The following MGLL variants were observed in gnomAD, a reference collection of about 807,000 sequenced individuals.
MGLL encodes lysophospholipase homolog.
MGLL carries 7 observed loss-of-function variants against 29.1 expected under a neutral mutation model. The ratio of observed to expected loss-of-function variants is 0.24; its 90% CI spans 0.14 to 0.45. The LOEUF (loss-of-function observed/expected upper bound fraction) is 0.45. Ranked by LOEUF, MGLL falls within the 20% of genes least tolerant of loss-of-function variation. The probability of loss-of-function intolerance (pLI) is 0.99; values close to 1 mark genes in which losing one functional copy is unlikely to be tolerated. For synonymous variants in MGLL, 148 were observed against 168.3 expected (o/e 0.88, Z 0.93); for missense variants, 356 against 413.6 (o/e 0.86, Z 1.21).
chr3:127,749,818 T>A (rs782080), intron 3 of MGLL, among the ~76,000 whole-genome samples: 73,822 of 152,028 alleles, frequency 0.49, 19,460 homozygotes, highest in Admixed American at 0.59. Context: ...TTTACTGTTT[T>A]AGAGGAGGCC....
At chr3:127,707,304 G>A (rs1366990971) in intron 6 of MGLL, among the ~76,000 whole-genome samples, 1 of 152,236 alleles carries the variant, frequency 6.6e-6, no homozygotes, top group Non-Finnish European at 1.5e-5. Context: ...GCCTGAGTAT[G>A]TGGATGGCTG....
At position 127,721,214 on chromosome 3, in the gene MGLL, AC is replaced by A. The variant is rs761395848; in HGVS notation, c.400-52del. On this transcript the variant is annotated intron_variant, in intron 4 of 7. Transcript: ENST00000265052. ...CTGTGTTCGGCTTGCACCAGTGCAC[AC>A]ATTTCTAATAAACATGACCAATGCA... 8.1e-5 allele frequency: 121 copies of A among 1,496,658 alleles called. 1 individual carries two copies. The East Asian group carries it at 2.7e-3, about 33-fold the overall frequency. The allele number at this position is 1,496,658 out of a possible 1,614,324, so 92.7% of individuals were successfully genotyped here. A position where few individuals can be genotyped will look rare whatever the true frequency, so the allele number is the denominator to read the frequency against.
intron 3 of MGLL, among the ~76,000 whole-genome samples, chr3:127,751,052 T>A (rs605188): frequency 2.0e-5 from 3 of 151,960 alleles, no homozygotes; most frequent in Non-Finnish European, 2.9e-5. Context: ...TGTTTCTGGG[T>A]GTCTGGATTA....
At chr3:127,705,731 G>C (rs1445141895) in intron 6 of MGLL, among the ~76,000 whole-genome samples, 3 of 149,572 alleles carry the variant, frequency 2.0e-5, no homozygotes, top group African/African-American at 7.4e-5. Context: ...AGCCAAGATC[G>C]CGCCACTGCA....
chr3:127,767,387 C>A (rs73862332), intron 3 of MGLL, among the ~76,000 whole-genome samples: 1,703 of 152,192 alleles, frequency 0.011, 33 homozygotes, highest in African/African-American at 0.039. Context: ...AATAATTAAC[C>A]AATTGTTTAT....
intron 3 of MGLL, among the ~76,000 whole-genome samples, chr3:127,758,539 G>A (rs759155895): frequency 2.0e-5 from 3 of 152,208 alleles, no homozygotes; most frequent in Non-Finnish European, 4.4e-5. Flanking sequence ...AGAAGCCCAG[G>A]TCAGCTTGGC....
chr3:127,782,942 A>T (rs900025377), intron 2 of MGLL, among the ~76,000 whole-genome samples: 2 of 152,092 alleles, frequency 1.3e-5, no homozygotes, highest in African/African-American at 4.8e-5. Context: ...TAATCCCAGC[A>T]CTTTCGGAGG....
intron 3 of MGLL, among the ~76,000 whole-genome samples, chr3:127,753,765 A>G (rs978919933): frequency 6.6e-6 from 1 of 152,242 alleles, no homozygotes; most frequent in African/African-American, 2.4e-5. Context: ...TTCCTTCTGC[A>G]TTTGGGCTCA....
intron 5 of MGLL, among the ~76,000 whole-genome samples, chr3:127,717,309 G>A (rs547215582): frequency 7.2e-4 from 110 of 152,316 alleles, no homozygotes; most frequent in African/African-American, 2.5e-3. Flanking sequence ...GATGGGAGTG[G>A]GCTCCATTAA....
chr3:127,727,223 C>G (rs1328584075), intron 3 of MGLL, among the ~76,000 whole-genome samples: 2 of 152,212 alleles, frequency 1.3e-5, no homozygotes, highest in African/African-American at 4.8e-5. Flanking sequence ...TTAACCATTT[C>G]TCCAGGGAGC....
chr3:127,778,487 G>C (rs1235587231), intron 3 of MGLL, among the ~76,000 whole-genome samples: 3 of 152,210 alleles, frequency 2.0e-5, no homozygotes, highest in African/African-American at 7.2e-5. Flanking sequence ...AGATCACACG[G>C]CTTGGACTCC....
At chr3:127,711,125 G>A (rs969692790) in intron 5 of MGLL, 20 of 206,004 alleles carry the variant, frequency 9.7e-5, no homozygotes, top group East Asian at 4.1e-4. Flanking sequence ...GAAAGTGTGC[G>A]TCCATTTCTC....
chr3:127,754,433 C>T (rs2076620303), intron 3 of MGLL, among the ~76,000 whole-genome samples: 1 of 151,804 alleles, frequency 6.6e-6, no homozygotes, highest in South Asian at 2.1e-4. Flanking sequence ...AGGGAAGGGC[C>T]TCCCCTTCTG....
intron 6 of MGLL, among the ~76,000 whole-genome samples, chr3:127,701,723 C>T (rs2075492630): frequency 6.6e-6 from 1 of 152,168 alleles, no homozygotes; most frequent in South Asian, 2.1e-4. Context: ...TGCAGGCAGC[C>T]TTCCCCGGTC....
intron 6 of MGLL, among the ~76,000 whole-genome samples, chr3:127,695,423 T>C (rs1483313979): frequency 6.6e-6 from 1 of 152,186 alleles, no homozygotes; most frequent in African/African-American, 2.4e-5. Context: ...CATGGGTGCC[T>C]GTAGAAAATG....
intron 3 of MGLL, among the ~76,000 whole-genome samples, chr3:127,735,127 A>C (rs958709193): frequency 6.6e-6 from 1 of 152,256 alleles, no homozygotes; most frequent in South Asian, 2.1e-4. Context: ...CCTTTGTTTT[A>C]GGAGCAGAAA....
intron 2 of MGLL, among the ~76,000 whole-genome samples, chr3:127,815,462 T>C (rs919710685): frequency 6.6e-6 from 1 of 152,224 alleles, no homozygotes; most frequent in African/African-American, 2.4e-5. Context: ...TCCATGTTCA[T>C]CTCTCCATCT....
intron 3 of MGLL, among the ~76,000 whole-genome samples, chr3:127,780,581 C>T (rs2077106998): frequency 6.6e-6 from 1 of 152,228 alleles, no homozygotes; most frequent in Non-Finnish European, 1.5e-5. Flanking sequence ...TTAGTCAATA[C>T]TGTCAGTTAT....
At chr3:127,730,587 T>TGAGC (rs1279685352) in intron 3 of MGLL, among the ~76,000 whole-genome samples, 1 of 151,920 alleles carries the variant, frequency 6.6e-6, no homozygotes, top group African/African-American at 2.4e-5. Flanking sequence ...GAAGAGGAGG[T>TGAGC]GAGTCATGGA....
Sources: allele counts gnomAD v4.1 joint callset (sites outside exome capture counted in the v4.1 genomes callset), GRCh38; gene constraint gnomAD v4.1.1; transcripts MANE v1.5; gene names NCBI Gene and HGNC (gene_info 2026-07-23, HGNC 2026-07-21).